The following RGMA variants were observed in gnomAD, a reference collection of about 807,000 sequenced individuals.
The protein encoded by RGMA is repulsive guidance molecule BMP co-receptor a.
Under a neutral mutation model 23.2 loss-of-function variants are expected in RGMA, and 10 were observed. The ratio of observed to expected loss-of-function variants is 0.43; its 90% CI spans 0.27 to 0.73. The LOEUF (loss-of-function observed/expected upper bound fraction) is 0.73. Ranked by LOEUF, RGMA falls within the 30% of genes least tolerant of loss-of-function variation. RGMA has a pLI of 0.20. For synonymous variants in RGMA, 308 were observed against 279.3 expected (o/e 1.10, Z -1.03); for missense variants, 547 against 630.5 (o/e 0.87, Z 1.42).
chr15:93,051,920 C>G (rs1596083626), intron 3 of RGMA, 73 bp downstream of exon 3: 1 of 1,453,584 alleles, frequency 6.9e-7, no homozygotes, highest in Non-Finnish European at 9.2e-7. Flanking sequence ...GAGGCCCTCT[C>G]AGCCTCTCAG....
intron 1 of RGMA, 43 bp downstream of exon 1, chr15:93,088,876 A>C: frequency 6.7e-7 from 1 of 1,490,500 alleles, no homozygotes; most frequent in Non-Finnish European, 8.9e-7. Context: ...GGCGCCTCGG[A>C]GATGTCAGAG....
intron 2 of RGMA, among the ~76,000 whole-genome samples, chr15:93,063,849 T>C (rs1038488715): frequency 2.0e-5 from 3 of 152,054 alleles, no homozygotes; most frequent in East Asian, 1.9e-4. Context: ...TGGGGGTCAG[T>C]TGGGGTGCTG....
rs112713760 is a variant in RGMA at position 93,047,307 on chromosome 15, C to G, written c.646-1602G>C. Among the ~76,000 whole-genome samples, 1,110 of 152,268 alleles carry G rather than the reference C, an allele frequency of 7.3e-3. 15 individuals are homozygous for G. The highest frequency in any genetic ancestry group is 0.025 in the African/African-American group (1,027 of 41,536). The stretch of plus-strand genomic sequence containing the variant: ...AGAAACTGGGAGAGAAAAAACCACC[C>G]CTTCTTCCACTCCTTTCCCAGGTGT... On this transcript the variant is annotated intron_variant, in intron 3 of 3. Transcript: ENST00000329082.
At chr15:93,055,973 TAC>T (rs2055006842) in intron 2 of RGMA, among the ~76,000 whole-genome samples, 1 of 152,188 alleles carries the variant, frequency 6.6e-6, no homozygotes, top group South Asian at 2.1e-4. Context: ...CCCACCCAGG[TAC>T]CCCGGAGAGG....
At chr15:93,066,286 C>T (rs746194238) in intron 2 of RGMA, 17 of 1,014,974 alleles carry the variant, frequency 1.7e-5, no homozygotes, top group Non-Finnish European at 2.2e-5. Context: ...TCTTCCTTGG[C>T]GTCATTCCTG....
intron 1 of RGMA, among the ~76,000 whole-genome samples, chr15:93,086,604 G>C (rs948506807): frequency 1.3e-5 from 2 of 152,148 alleles, no homozygotes; most frequent in African/African-American, 2.4e-5. Flanking sequence ...CTGAGAAACT[G>C]AAAATACCAG....
chr15:93,073,906 G>C, intron 1 of RGMA: 1 of 1,442,204 alleles, frequency 6.9e-7, no homozygotes. Flanking sequence ...TGGCTATGCC[G>C]GTCCGCGTGG....
chr15:93,064,599 C>G (rs1290796590), intron 2 of RGMA, among the ~76,000 whole-genome samples: 1 of 152,252 alleles, frequency 6.6e-6, no homozygotes, highest in Non-Finnish European at 1.5e-5. Flanking sequence ...GTTCATGTGG[C>G]ATTTCTTAGC....
At position 93,045,160 on chromosome 15, in the gene RGMA, C is replaced by CGCGTA; in HGVS notation, c.1186_1190dup (p.Leu398ThrfsTer111). 2 of 1,606,032 alleles carry CGCGTA rather than the reference C, an allele frequency of 1.2e-6. No individual in the cohort carries two copies. The highest frequency in any genetic ancestry group is 8.5e-7 in the Non-Finnish European group (1 of 1,176,308). On this transcript the variant is annotated frameshift_variant, in exon 4 of 4. Transcript: ENST00000329082. LOFTEE classifies it low-confidence loss of function (END_TRUNC). The surrounding 1 kb of genome is among the most constrained non-coding windows in gnomAD (Gnocchi z 6.9). ...AGTGGAGCATCTTGACATCCTCCAA[C>CGCGTA]GCGTAGTAGGCGGCCAGTGTGAAGT...
chr15:93,044,654 G>T lies in RGMA; in HGVS notation c.*344C>A. 1 of 360,212 alleles carries T rather than the reference G, an allele frequency of 2.8e-6. No individual in the cohort carries two copies. Among genetic ancestry groups the T allele is most frequent in the Non-Finnish European group, 5.1e-6 (1 of 195,228 alleles). 22.3% of individuals were successfully genotyped at this position (360,212 alleles called of 1,614,324 possible). ...CGGGCCTTTCAGTGCATTGCGAGGG[G>T]GAAGGAGCTGACTCTGACGGTTCCC... is the stretch of plus-strand genomic sequence containing the variant. On this transcript the variant is annotated 3_prime_UTR_variant, in exon 4 of 4. Transcript: ENST00000329082.
intron 1 of RGMA, 123 bp from the exon 2 acceptor site, chr15:93,073,154 C>A: frequency 8.1e-7 from 1 of 1,228,518 alleles, no homozygotes; most frequent in Non-Finnish European, 1.0e-6. Context: ...GGGCGCCCGG[C>A]GCGCTCCCCT....
chr15:93,043,223 C>A lies in RGMA; in HGVS notation c.*1775G>T, dbSNP rs958546343. 1 of 152,070 alleles carries A rather than the reference C, an allele frequency of 6.6e-6. No individual in the cohort carries two copies. Among genetic ancestry groups the A allele is most frequent in the South Asian group, 2.1e-4 (1 of 4,828 alleles). The allele number at this position is 152,070 out of a possible 1,614,324, so 9.4% of individuals were successfully genotyped here. On this transcript the variant is annotated 3_prime_UTR_variant, in exon 4 of 4. Coordinates refer to ENST00000329082, the MANE Select transcript of RGMA (RefSeq NM_020211.3). ...AGGCATGGGCGCACACACAGGCATG[C>A]GCACACATGCGTACATGCACGCACA...
At chr15:93,069,400 G>A (rs1895254854) in intron 2 of RGMA, among the ~76,000 whole-genome samples, 1 of 152,146 alleles carries the variant, frequency 6.6e-6, no homozygotes. Flanking sequence ...GTGAGCCACC[G>A]CGCCTGGCCG....
At chr15:93,073,632 G>C in intron 1 of RGMA, 1 of 1,537,080 alleles carries the variant, frequency 6.5e-7, no homozygotes, top group Non-Finnish European at 8.7e-7. Flanking sequence ...ACTCAGACGC[G>C]ACACCGGTGC....
At chr15:93,068,575 TCTC>T (rs1895228161) in intron 2 of RGMA, among the ~76,000 whole-genome samples, 1 of 152,152 alleles carries the variant, frequency 6.6e-6, no homozygotes, top group Admixed American at 6.5e-5. Flanking sequence ...CCTTTCCCTT[TCTC>T]CTCAATACAC....
intron 1 of RGMA, chr15:93,073,445 G>C (rs1895407814): frequency 1.1e-6 from 1 of 921,142 alleles, no homozygotes; most frequent in Non-Finnish European, 1.6e-6. Flanking sequence ...TTGCAAACCA[G>C]GCCCAGCACC....
At chr15:93,050,002 G>A (rs1567180590) in intron 3 of RGMA, among the ~76,000 whole-genome samples, 1 of 152,238 alleles carries the variant, frequency 6.6e-6, no homozygotes, top group Non-Finnish European at 1.5e-5. Flanking sequence ...CACTCCGCCT[G>A]CTTTGGATGT....
chr15:93,082,532 C>T (rs1397174033), intron 1 of RGMA, among the ~76,000 whole-genome samples: 2 of 152,204 alleles, frequency 1.3e-5, no homozygotes, highest in African/African-American at 4.8e-5. Context: ...GTTTTTCCCA[C>T]CAAACTACAG....
chr15:93,072,414 C>A (rs551715550), intron 2 of RGMA, among the ~76,000 whole-genome samples: 2 of 152,318 alleles, frequency 1.3e-5, no homozygotes, highest in East Asian at 3.9e-4. Context: ...GGTGTCCCCG[C>A]GTGGCCAAAT....
Sources: allele counts gnomAD v4.1 joint callset (sites outside exome capture counted in the v4.1 genomes callset), GRCh38; gene constraint gnomAD v4.1.1; non-coding constraint Gnocchi (gnomAD v3.1); transcripts MANE v1.5; gene names NCBI Gene and HGNC (gene_info 2026-07-23, HGNC 2026-07-21).